LGALS7B: variants seen among roughly 807,000 people sequenced by gnomAD.
LGALS7B encodes the protein galectin-7.
Under a neutral mutation model 7.6 loss-of-function variants are expected in LGALS7B, and 1 was observed. The ratio of observed to expected loss-of-function variants is 0.13; its 90% CI spans 0.05 to 0.62. The LOEUF is 0.62. LGALS7B is among the 20% of genes least tolerant of loss of function. The pLI is 0.87. For missense variants in LGALS7B, 17 were observed against 109.4 expected (o/e 0.16, Z 3.77); for synonymous variants, 7 against 49.6 (o/e 0.14, Z 3.61).
intron 2 of LGALS7B, among the ~76,000 whole-genome samples, chr19:38,790,181 T>C (rs1316426649): frequency 4.8e-5 from 7 of 145,010 alleles, no homozygotes; most frequent in Non-Finnish European, 9.1e-5. Context: ...CCAGACCTCC[T>C]GGGCAGCTCC....
intron 1 of LGALS7B, among the ~76,000 whole-genome samples, 185 bp from the exon 2 acceptor site, chr19:38,789,431 G>T (rs1164740875): frequency 4.1e-5 from 1 of 24,254 alleles, no homozygotes; most frequent in Non-Finnish European, 8.6e-5. Context: ...GTTTGTCTTT[G>T]TTGCTCTCCC....
At position 38,790,712 on chromosome 19, in the gene LGALS7B, G is replaced by A. The variant is rs1231647996; in HGVS notation, c.119G>A (p.Gly40Glu). 1 of 1,613,356 alleles carries A rather than the reference G, an allele frequency of 6.2e-7. No individual in the cohort carries two copies. The highest frequency in any genetic ancestry group is 8.5e-7 in the Non-Finnish European group (1 of 1,179,848). ...ASRFHVNLLC[G>E]EEQGSDAALH... ...AGGTTCCATGTAAACCTGCTGTGCG[G>A]GGAGGAGCAGGGCTCCGATGCCGCC... is the stretch of plus-strand genomic sequence containing the variant. Residue 40 changes from glycine (G) to glutamate (E), a missense_variant, in exon 3 of 4, where the codon GGG (glycine) becomes GAG (glutamate). Gly to Glu is a moderately conservative substitution (Grantham distance 98, BLOSUM62 -2). Transcript: ENST00000314980.
At chr19:38,790,479 CCCAGGCTGGTCTTTAACTT>C in intron 2 of LGALS7B, 191 bp from the exon 3 acceptor site, 1 of 629,162 alleles carries the variant, frequency 1.6e-6, no homozygotes, top group South Asian at 1.9e-5. Context: ...CGCTATGTTG[CCCAGGCTGGTCTTTAACTT>C]CCGGGCCCAA....
chr19:38,790,762 A>G lies in LGALS7B; in HGVS notation c.169A>G (p.Thr57Ala), dbSNP rs1971257297. Reference sequence around the variant, plus strand: ...CCTGCATTTCAACCCCCGGCTGGACACGTCGGAGGTGGTCTTCAACAGCAA... The same window carrying G: ...CCTGCATTTCAACCCCCGGCTGGACGCGTCGGAGGTGGTCTTCAACAGCAA... The part of the protein sequence containing the change: ...AALHFNPRLD[T>A]SEVVFNSKEQ... The change falls in exon 3 of 4, where the codon ACG becomes GCG. Residue 57 changes from threonine to alanine, a missense_variant. Coordinates refer to ENST00000314980, the MANE Select transcript of LGALS7B (RefSeq NM_001042507.4). The G allele has an allele frequency of 6.2e-7, 1 of 1,611,364 alleles. No individual in the cohort carries two copies. Among genetic ancestry groups the G allele is most frequent in the Non-Finnish European group, 8.5e-7 (1 of 1,179,246 alleles).
chr19:38,790,724 G>A lies in LGALS7B; in HGVS notation c.131G>A (p.Gly44Asp), dbSNP rs1461351243. The A allele has an allele frequency of 5.6e-6, 9 of 1,612,832 alleles. No individual in the cohort carries two copies. The Admixed American group carries it at 8.3e-5, about 15-fold the overall frequency. ...HVNLLCGEEQ[G>D]SDAALHFNPR... ...AACCTGCTGTGCGGGGAGGAGCAGG[G>A]CTCCGATGCCGCCCTGCATTTCAAC... Residue 44 changes from glycine (G) to aspartate (D), a missense_variant, in exon 3 of 4, where the codon GGC becomes GAC. By Grantham distance (94) the Gly-to-Asp change is moderately conservative. Transcript: ENST00000314980.
At chr19:38,789,354 C>T in intron 1 of LGALS7B, 122 bp downstream of exon 1, 1 of 341,520 alleles carries the variant, frequency 2.9e-6, no homozygotes, top group Non-Finnish European at 4.9e-6. Flanking sequence ...CTCCGGGTAA[C>T]CCCCATCCCG....
Position 38,790,694 on chromosome 19 carries a change from A to T in LGALS7B, c.101A>T (p.His34Leu). The T allele has an allele frequency of 6.2e-7, 1 of 1,613,650 alleles. No homozygotes were observed. Among genetic ancestry groups the T allele is most frequent in the African/African-American group, 1.3e-5 (1 of 75,070 alleles). ...CCACCATCCCCCTCTTCCAGGTTCC[A>T]TGTAAACCTGCTGTGCGGGGAGGAG... ...GLVPPNASRFHVNLLCGEEQG... is the reference protein window; with the variant it reads ...GLVPPNASRFLVNLLCGEEQG... Residue 34 changes from histidine (H) to leucine (L), a missense_variant, in exon 3 of 4, where the codon CAT becomes CTT. Physicochemically the swap from His to Leu is moderately conservative, Grantham distance 99 (BLOSUM62 -3). Around this residue, in one of 2 missense-constraint regions of LGALS7B, gnomAD observed 17 missense variants for 53.9 expected, o/e 0.32. Transcript: ENST00000314980.
intron 2 of LGALS7B, among the ~76,000 whole-genome samples, chr19:38,790,298 C>T (rs2145339996): frequency 6.6e-6 from 1 of 152,224 alleles, no homozygotes; most frequent in African/African-American, 2.4e-5. Flanking sequence ...GGAATCTAAG[C>T]TCCCTGGTCA....
rs1243301065 is a variant in LGALS7B, at chr19:38,790,809, C to A, written c.216C>A (p.Arg72=). ...FNSKEQGSWG[R]EERGPGVPFQ... is the part of the protein sequence containing the mutation. ...GCAAGGAGCAAGGCTCCTGGGGCCG[C>A]GAGGAGCGCGGGCCGGGCGTTCCTT... Residue 72 remains arginine (R), a synonymous_variant, in exon 3 of 4, where the codon CGC becomes CGA. Coordinates refer to ENST00000314980, the MANE Select transcript of LGALS7B (RefSeq NM_001042507.4). 1 of 1,609,872 alleles carries A rather than the reference C, an allele frequency of 6.2e-7. No homozygotes were observed. The highest frequency in any genetic ancestry group is 8.5e-7 in the Non-Finnish European group (1 of 1,178,884).
Position 38,789,373 on chromosome 19 carries a change from C to T in LGALS7B, c.6+141C>T, listed in dbSNP as rs1355625287. 9.6e-3 allele frequency: 3,044 copies of T among 317,066 alleles called. 41 individuals carry two copies. The highest frequency in any genetic ancestry group is 0.04 in the Admixed American group (560 of 14,140). The allele number at this position is 317,066 out of a possible 1,614,324, so 19.6% of individuals were successfully genotyped here. ...GGGTAACCCCCATCCCGACTGTCCC[C>T]TCTACCTCTTTGTGGCTTCCTCTGG... On this transcript the variant is annotated intron_variant, in intron 1 of 3. Coordinates refer to ENST00000314980, the MANE Select transcript of LGALS7B (RefSeq NM_001042507.4).
Position 38,791,695 on chromosome 19 carries a change from C to CTTCT in LGALS7B, c.*2_*3insTTCT. On this transcript the variant is annotated 3_prime_UTR_variant, in exon 4 of 4. Transcript: ENST00000314980. ...CTGGACTCCGTGAGGATCTTCTGAG[C>CTTCT]AGAAGCCCAGGCGGGCCCGGGGCCT... The CTTCT allele has an allele frequency of 2.0e-6, 1 of 496,298 alleles. No homozygotes were observed. Among genetic ancestry groups the CTTCT allele is most frequent in the Non-Finnish European group, 3.4e-6 (1 of 292,598 alleles). 30.7% of individuals were successfully genotyped at this position (496,298 alleles called of 1,614,324 possible).
At chr19:38,789,420 T>C (rs2145339579) in intron 1 of LGALS7B, among the ~76,000 whole-genome samples, 188 bp downstream of exon 1, 1 of 29,790 alleles carries the variant, frequency 3.4e-5, no homozygotes. Context: ...AGGATCTTTC[T>C]GTTTGTCTTT....
chr19:38,790,749 C>A lies in LGALS7B; in HGVS notation c.156C>A (p.Asn52Lys). ...EQGSDAALHFNPRLDTSEVVF... is the reference protein window; with the variant it reads ...EQGSDAALHFKPRLDTSEVVF... ...GCTCCGATGCCGCCCTGCATTTCAA[C>A]CCCCGGCTGGACACGTCGGAGGTGG... The change falls in exon 3 of 4, where the codon AAC (asparagine) becomes AAA (lysine). Residue 52 changes from asparagine (N) to lysine (K), a missense_variant. Physicochemically the swap from Asn to Lys is moderately conservative, Grantham distance 94. Coordinates refer to ENST00000314980, the MANE Select transcript of LGALS7B (RefSeq NM_001042507.4). 6.2e-7 allele frequency: 1 copy of A among 1,610,826 alleles called. No individual in the cohort carries two copies. Among genetic ancestry groups the A allele is most frequent in the East Asian group, 2.2e-5 (1 of 44,610 alleles).
rs758916671 is a variant in LGALS7B, at chr19:38,790,750, C to T, written c.157C>T (p.Pro53Ser). Reference sequence around the variant, plus strand: ...CTCCGATGCCGCCCTGCATTTCAACCCCCGGCTGGACACGTCGGAGGTGGT... The same window carrying T: ...CTCCGATGCCGCCCTGCATTTCAACTCCCGGCTGGACACGTCGGAGGTGGT... Reference protein sequence around the residue: ...QGSDAALHFNPRLDTSEVVFN... With the variant: ...QGSDAALHFNSRLDTSEVVFN... The change falls in exon 3 of 4, where the codon CCC (proline) becomes TCC (serine). Residue 53 changes from proline (P) to serine (S), a missense_variant. Physicochemically the swap from Pro to Ser is moderately conservative, Grantham distance 74. Around this residue, in one of 2 missense-constraint regions of LGALS7B, gnomAD observed 17 missense variants for 53.9 expected, o/e 0.32. Coordinates refer to ENST00000314980, the MANE Select transcript of LGALS7B (RefSeq NM_001042507.4). The T allele has an allele frequency of 1.6e-5, 26 of 1,610,748 alleles. 1 individual carries two copies. In the Admixed American group the frequency reaches 2.8e-4, roughly 18 times the overall value.
At chr19:38,790,303 T>G (rs979917576) in intron 2 of LGALS7B, among the ~76,000 whole-genome samples, 6 of 152,144 alleles carry the variant, frequency 3.9e-5, no homozygotes, top group African/African-American at 1.4e-4. Context: ...CTAAGCTCCC[T>G]GGTCATTAGT....
intron 2 of LGALS7B, among the ~76,000 whole-genome samples, chr19:38,790,123 TG>T (rs1195379496): frequency 7.3e-6 from 1 of 137,364 alleles, no homozygotes; most frequent in African/African-American, 2.7e-5. Flanking sequence ...TTCTTTGTCC[TG>T]TAGAAGCTGA....
Position 38,791,682 on chromosome 19 carries a change from AG to A in LGALS7B, c.402del (p.Ile135SerfsTer19). 2.0e-6 allele frequency: 1 copy of A among 511,990 alleles called. No individual in the cohort carries two copies. The highest frequency in any genetic ancestry group is 2.3e-5 in the South Asian group (1 of 43,356). 31.7% of individuals were successfully genotyped at this position (511,990 alleles called of 1,614,324 possible). On this transcript the variant is annotated frameshift_variant, in exon 4 of 4. Coordinates refer to ENST00000314980, the MANE Select transcript of LGALS7B (RefSeq NM_001042507.4). LOFTEE classifies it high-confidence loss of function. ...CGGGGACGTGCAGCTGGACTCCGTG[AG>A]GATCTTCTGAGCAGAAGCCCAGGCG... ...VGGDVQLDSVRIF is the reference protein window; with the variant it reads ...VGGDVQLDSVXIF
intron 1 of LGALS7B, 21 bp downstream of exon 1, chr19:38,789,253 G>A: frequency 4.9e-6 from 4 of 823,298 alleles, no homozygotes; most frequent in Non-Finnish European, 6.7e-6. Flanking sequence ...CAGGGGCCCG[G>A]GGCGGGGCCA....
At chr19:38,790,332 C>G (rs76477826) in intron 2 of LGALS7B, among the ~76,000 whole-genome samples, 1 of 152,124 alleles carries the variant, frequency 6.6e-6, no homozygotes, top group Non-Finnish European at 1.5e-5. Context: ...TCTCCTTCTG[C>G]GGTGTGTGCC....
Sources: allele counts gnomAD v4.1 joint callset (sites outside exome capture counted in the v4.1 genomes callset), GRCh38; gene constraint gnomAD v4.1.1; regional missense constraint gnomAD v4.1.1; transcripts MANE v1.5; gene names NCBI Gene and HGNC (gene_info 2026-07-23, HGNC 2026-07-21).